The following MYOZ3 variants were observed in gnomAD, a reference collection of about 807,000 sequenced individuals.
The protein encoded by MYOZ3 is myozenin-3.
MYOZ3 carries 19 observed loss-of-function variants against 26.5 expected under a neutral mutation model. The ratio of observed to expected loss-of-function variants is 0.72; its 90% CI spans 0.50 to 1.05. The LOEUF (loss-of-function observed/expected upper bound fraction) is 1.05. MYOZ3 is among the 50% of genes least tolerant of loss of function. The pLI is 0.00. For missense variants in MYOZ3, 322 were observed against 337.1 expected (o/e 0.96, Z 0.35); for synonymous variants, 135 against 138.8 (o/e 0.97, Z 0.19).
Position 150,672,375 on chromosome 5 carries a change from A to G in MYOZ3, c.460A>G (p.Lys154Glu). Residue 154 changes from lysine (K) to glutamate (E), a missense_variant, in exon 6 of 7, where the codon AAG becomes GAG. Lys to Glu is a moderately conservative substitution (Grantham distance 56). Coordinates refer to ENST00000517768, the MANE Select transcript of MYOZ3 (RefSeq NM_001122853.3). ...GCCGCTGAAGGGCGTCCCGCCAGAG[A>G]AGTTCAACCACACCGCCATCTCCAA... ...AEPLKGVPPE[K>E]FNHTAISKGY... The G allele has an allele frequency of 1.9e-6, 3 of 1,612,568 alleles. No individual in the cohort carries two copies. Among genetic ancestry groups the G allele is most frequent in the Non-Finnish European group, 2.5e-6 (3 of 1,179,524 alleles).
intron 1 of MYOZ3, among the ~76,000 whole-genome samples, chr5:150,662,664 G>T (rs1001487267): frequency 7.9e-5 from 12 of 152,114 alleles, no homozygotes. Flanking sequence ...GCCAGAGCTG[G>T]GAAAAGGCCC....
intron 2 of MYOZ3, among the ~76,000 whole-genome samples, chr5:150,663,485 G>A (rs370769943): frequency 1.2e-4 from 19 of 152,272 alleles, no homozygotes; most frequent in Admixed American, 3.3e-4. Context: ...CAGGGGAGTC[G>A]AGAGAGTGGA....
Position 150,672,332 on chromosome 5 carries a change from G to T in MYOZ3, c.425-8G>T. On this transcript the variant is annotated splice_polypyrimidine_tract_variant and splice_region_variant and intron_variant, in intron 5 of 6. Coordinates refer to ENST00000517768, the MANE Select transcript of MYOZ3 (RefSeq NM_001122853.3). ...AACGGAGGCGCTCCCTTCCCCCCGC[G>T]CCCCTAGGCTATGCGGAGCCGCTGA... is the stretch of plus-strand genomic sequence containing the variant. The T allele has an allele frequency of 4.4e-6, 7 of 1,595,152 alleles. No individual in the cohort carries two copies. The highest frequency in any genetic ancestry group is 6.0e-6 in the Non-Finnish European group (7 of 1,171,600).
At chr5:150,663,803 G>C (rs113398397) in intron 2 of MYOZ3, among the ~76,000 whole-genome samples, 9,329 of 151,426 alleles carry the variant, frequency 0.062, 945 homozygotes, top group African/African-American at 0.21. Flanking sequence ...GAGACCAGCC[G>C]GGGCAACATG....
At chr5:150,665,610 A>G (rs1758796090) in intron 2 of MYOZ3, among the ~76,000 whole-genome samples, 1 of 152,060 alleles carries the variant, frequency 6.6e-6, no homozygotes, top group South Asian at 2.1e-4. Context: ...TTATTTTTTA[A>G]TAGAGACAGG....
In MYOZ3 at chr5:150,676,925, G is replaced by A. The variant is rs769332536; in HGVS notation, c.*50G>A. On this transcript the variant is annotated 3_prime_UTR_variant, in exon 7 of 7. Coordinates refer to ENST00000517768, the MANE Select transcript of MYOZ3 (RefSeq NM_001122853.3). Reference sequence around the variant, plus strand: ...CAGTCTCGGGGGCCTGGTAACATCCGGAGCCAAGACTTGTGGACAGCACTT... The same window carrying A: ...CAGTCTCGGGGGCCTGGTAACATCCAGAGCCAAGACTTGTGGACAGCACTT... 23 of 1,560,976 alleles carry A rather than the reference G, an allele frequency of 1.5e-5. No individual in the cohort carries two copies. Among genetic ancestry groups the A allele is most frequent in the South Asian group, 1.0e-4 (9 of 89,612 alleles).
chr5:150,671,520 T>A (rs1758909069), intron 3 of MYOZ3, 77 bp from the exon 4 acceptor site: 2 of 1,512,072 alleles, frequency 1.3e-6, no homozygotes, highest in South Asian at 2.3e-5. Flanking sequence ...CCCGACCTTT[T>A]TTTTTGGTGG....
In MYOZ3 at chr5:150,671,869, C is replaced by CTCG; in HGVS notation, c.385_386insTCG (p.Pro129delinsLeuAla). ...CGAGGGCGCCCACCCTGCAGCCGCC[C>CTCG]CTGCTGGGTGCGTCCCCAGCCCCAG... On this transcript the variant is annotated protein_altering_variant, in exon 5 of 7. Coordinates refer to ENST00000517768, the MANE Select transcript of MYOZ3 (RefSeq NM_001122853.3). 1 of 1,591,868 alleles carries CTCG rather than the reference C, an allele frequency of 6.3e-7. No homozygotes were observed. The highest frequency in any genetic ancestry group is 8.5e-7 in the Non-Finnish European group (1 of 1,172,292).
At chr5:150,670,702 A>G (rs755718201) in intron 3 of MYOZ3, 64 bp downstream of exon 3, 16 of 1,499,062 alleles carry the variant, frequency 1.1e-5, no homozygotes, top group Non-Finnish European at 1.4e-5. Flanking sequence ...TGGTTAGCCT[A>G]AAGTCAAACG....
At chr5:150,675,414 C>G (rs1167647782) in intron 6 of MYOZ3, among the ~76,000 whole-genome samples, 1 of 151,750 alleles carries the variant, frequency 6.6e-6, no homozygotes, top group African/African-American at 2.4e-5. Context: ...CTTTTGTGGC[C>G]CAGGCTGCAG....
Position 150,662,992 on chromosome 5 carries a change from C to G in MYOZ3, c.51C>G (p.Leu17=), listed in dbSNP as rs757293121. ...CAGTGATGGCTGCCATGGGGGACCT[C>G]ACTGAACCAGGTAAGGTGGTTCTAG... The part of the protein sequence containing the change: ...KGPVMAAMGD[L]TEPVPTLDLG... The change falls in exon 2 of 7, where the codon CTC becomes CTG. Residue 17 remains leucine (L), a synonymous_variant. Transcript: ENST00000517768. 1 of 1,611,256 alleles carries G rather than the reference C, an allele frequency of 6.2e-7. No homozygotes were observed. Among genetic ancestry groups the G allele is most frequent in the South Asian group, 1.1e-5 (1 of 90,470 alleles).
intron 2 of MYOZ3, among the ~76,000 whole-genome samples, chr5:150,663,842 A>C (rs1027167773): frequency 6.6e-6 from 1 of 151,844 alleles, no homozygotes; most frequent in African/African-American, 2.4e-5. Context: ...AAAAAAAAAA[A>C]ATTAGCCAGG....
chr5:150,674,213 A>G (rs1581537222), intron 6 of MYOZ3, among the ~76,000 whole-genome samples: 1 of 152,044 alleles, frequency 6.6e-6, no homozygotes. Flanking sequence ...GGGCCCTCAG[A>G]CCCTGCCTGC....
intron 6 of MYOZ3, among the ~76,000 whole-genome samples, chr5:150,676,251 A>C (rs1029986660): frequency 2.6e-5 from 4 of 152,134 alleles, no homozygotes; most frequent in African/African-American, 9.7e-5. Context: ...AAACCTCTTA[A>C]GATGTACAGA....
intron 2 of MYOZ3, among the ~76,000 whole-genome samples, chr5:150,666,494 G>A (rs1773307869): frequency 1.3e-5 from 2 of 150,878 alleles, no homozygotes; most frequent in Admixed American, 6.6e-5. Flanking sequence ...CATGCCCATA[G>A]TCCCAGTTAC....
chr5:150,663,838 A>C (rs940644431), intron 2 of MYOZ3, among the ~76,000 whole-genome samples: 1 of 151,764 alleles, frequency 6.6e-6, no homozygotes, highest in Non-Finnish European at 1.5e-5. Context: ...CTACAAAAAA[A>C]AAAAATTAGC....
At chr5:150,672,131 G>A in intron 5 of MYOZ3, 5 of 1,033,476 alleles carry the variant, frequency 4.8e-6, no homozygotes, top group Non-Finnish European at 5.8e-6. Flanking sequence ...CTGCGAACTC[G>A]TGGCTTCCTC....
chr5:150,668,612 G>A (rs557793744), intron 2 of MYOZ3, among the ~76,000 whole-genome samples: 13 of 152,316 alleles, frequency 8.5e-5, no homozygotes, highest in African/African-American at 2.9e-4. Flanking sequence ...GAATATGAAC[G>A]TATGTGTATC....
intron 5 of MYOZ3, 113 bp from the exon 6 acceptor site, chr5:150,672,227 C>T (rs1414958460): frequency 4.7e-6 from 7 of 1,480,530 alleles, no homozygotes; most frequent in Non-Finnish European, 6.5e-6. Flanking sequence ...GTCCTCTCCC[C>T]TAACTCCGAT....
Sources: gnomAD v4.1 joint callset for allele counts (sites outside exome capture counted in the v4.1 genomes callset) on GRCh38, gnomAD v4.1.1 for gene constraint, MANE v1.5 for transcripts, NCBI Gene and HGNC (gene_info 2026-07-23, HGNC 2026-07-21) for gene names.